Variants in ALDH1L1 observed in about 807,000 individuals in gnomAD.
ALDH1L1 encodes cytosolic 10-formyltetrahydrofolate dehydrogenase.
In ALDH1L1, 68 loss-of-function variants were observed where a neutral mutation model predicts 101.1. The observed-to-expected ratio is 0.67, with a 90% CI of 0.55 to 0.82. The LOEUF (loss-of-function observed/expected upper bound fraction) is 0.82, where lower values mean the gene tolerates loss of function less well. ALDH1L1 is among the 40% of genes least tolerant of loss of function. ALDH1L1 has a pLI of 0.00. For missense variants in ALDH1L1, 1,087 were observed against 1,172.7 expected (o/e 0.93, Z 1.07); for synonymous variants, 486 against 470.8 (o/e 1.03, Z -0.42).
chr3:126,144,841 C>A (rs1477726789), intron 9 of ALDH1L1, among the ~76,000 whole-genome samples: 9 of 152,162 alleles, frequency 5.9e-5, no homozygotes, highest in Admixed American at 3.3e-4. Context: ...CAAAAATATA[C>A]AAGTCATATG....
chr3:126,180,701 G>T, upstream of ALDH1L1: 2 of 1,387,782 alleles, frequency 1.4e-6, no homozygotes, highest in Non-Finnish European at 1.9e-6. Context: ...ACTATGGCGG[G>T]AGCGCAGCGC....
intron 1 of ALDH1L1, 189 bp downstream of exon 1, chr3:126,180,287 G>C (rs774529947): frequency 4.6e-5 from 11 of 240,108 alleles, no homozygotes; most frequent in Non-Finnish European, 6.8e-5. Flanking sequence ...AGCCTCAATT[G>C]CTCCAAAGAA....
At chr3:126,135,395 A>G (rs1487677787) in intron 12 of ALDH1L1, 140 bp downstream of exon 12, 3 of 1,184,352 alleles carry the variant, frequency 2.5e-6, no homozygotes, top group Non-Finnish European at 3.4e-6. Flanking sequence ...AGCCTGGCCC[A>G]TCTGATGGCC....
intron 1 of ALDH1L1, among the ~76,000 whole-genome samples, chr3:126,191,677 C>T (rs765767008): frequency 3.9e-5 from 6 of 152,184 alleles, no homozygotes; most frequent in South Asian, 2.1e-4. Context: ...AGCTGTAGGC[C>T]AGGGAAAACC....
At chr3:126,112,459 G>C (rs753472380) in intron 19 of ALDH1L1, among the ~76,000 whole-genome samples, 2 of 152,162 alleles carry the variant, frequency 1.3e-5, no homozygotes, top group Non-Finnish European at 2.9e-5. Context: ...CTCTTTCCAG[G>C]CTTCACCCAA....
intron 1 of ALDH1L1, among the ~76,000 whole-genome samples, chr3:126,174,573 C>G (rs2081338463): frequency 2.0e-5 from 3 of 151,970 alleles, no homozygotes; most frequent in Non-Finnish European, 4.4e-5. Context: ...ACAACAGAAT[C>G]ACTAGAAATC....
intron 4 of ALDH1L1, 74 bp downstream of exon 4, chr3:126,157,269 G>A (rs2080928882): frequency 6.0e-6 from 9 of 1,492,268 alleles, no homozygotes; most frequent in Non-Finnish European, 8.1e-6. Context: ...CTCCAGGAGC[G>A]GTGGGCTGGG....
chr3:126,193,870 G>T (rs947755105), intron 1 of ALDH1L1, among the ~76,000 whole-genome samples: 3 of 152,060 alleles, frequency 2.0e-5, no homozygotes, highest in Non-Finnish European at 2.9e-5. Flanking sequence ...TTCTACTTAG[G>T]TTAGCAATTT....
At chr3:126,158,958 C>G (rs1022076208) in intron 2 of ALDH1L1, among the ~76,000 whole-genome samples, 5 of 152,192 alleles carry the variant, frequency 3.3e-5, no homozygotes, top group African/African-American at 1.2e-4. Flanking sequence ...TTACTGTCTT[C>G]CGGCCCCCTC....
intron 1 of ALDH1L1, among the ~76,000 whole-genome samples, chr3:126,173,254 T>C (rs945201956): frequency 1.3e-5 from 2 of 152,192 alleles, no homozygotes; most frequent in African/African-American, 4.8e-5. Context: ...ATGTATTCAG[T>C]GATTGTAGCT....
chr3:126,185,823 T>C (rs1318225847), upstream of ALDH1L1, among the ~76,000 whole-genome samples: 2 of 152,214 alleles, frequency 1.3e-5, no homozygotes, highest in Non-Finnish European at 2.9e-5. Flanking sequence ...TAAAAACATC[T>C]TTAAAAAGTC....
intron 1 of ALDH1L1, among the ~76,000 whole-genome samples, chr3:126,164,299 C>T (rs537582916): frequency 6.6e-6 from 1 of 152,268 alleles, no homozygotes; most frequent in South Asian, 2.1e-4. Flanking sequence ...ACAGGGGGTG[C>T]AGGTGCAGGT....
chr3:126,134,804 C>T (rs139718847), intron 12 of ALDH1L1, among the ~76,000 whole-genome samples: 16 of 152,190 alleles, frequency 1.1e-4, no homozygotes, highest in African/African-American at 2.9e-4. Flanking sequence ...AGGACCCCAG[C>T]GAAAGAGCCA....
rs143485285 is a variant in ALDH1L1 at position 126,145,362 on chromosome 3, T to C, written c.1076+1473A>G. Reference sequence around the variant, plus strand: ...ACCCAGTAATCTCACTGCTGGGTATTTGTCCAAAAGAACTGATCTCAAATT... The same window carrying C: ...ACCCAGTAATCTCACTGCTGGGTATCTGTCCAAAAGAACTGATCTCAAATT... On this transcript the variant is annotated intron_variant, in intron 9 of 22. Coordinates refer to ENST00000393434, the MANE Select transcript of ALDH1L1 (RefSeq NM_012190.4). Among the ~76,000 whole-genome samples the C allele has an allele frequency of 7.2e-5, 11 of 152,338 alleles. No individual in the cohort carries two copies. The East Asian group carries it at 1.5e-3, about 21-fold the overall frequency.
In ALDH1L1 at chr3:126,107,267, C is replaced by T. The variant is rs190583870; in HGVS notation, c.2348-21G>A. The T allele has an allele frequency of 3.4e-5, 55 of 1,597,940 alleles. No individual in the cohort carries two copies. In the African/African-American group the frequency reaches 4.0e-4, roughly 12 times the overall value. Reference sequence around the variant, plus strand: ...GAACCCTGCAAGAGAGATAAAAGCCCGTTGCACATGGGAGACACGGTGCCC... The same window carrying T: ...GAACCCTGCAAGAGAGATAAAAGCCTGTTGCACATGGGAGACACGGTGCCC... On this transcript the variant is annotated intron_variant, in intron 20 of 22. Coordinates refer to ENST00000393434, the MANE Select transcript of ALDH1L1 (RefSeq NM_012190.4).
In ALDH1L1 at chr3:126,180,499, G is replaced by C. The variant is rs1002463750; in HGVS notation, c.-47C>G. 3 of 999,148 alleles carry C rather than the reference G, an allele frequency of 3.0e-6. No homozygotes were observed. The highest frequency in any genetic ancestry group is 3.6e-6 in the Non-Finnish European group (3 of 838,098). The allele number at this position is 999,148 out of a possible 1,614,324, so 61.9% of individuals were successfully genotyped here. On this transcript the variant is annotated 5_prime_UTR_variant, in exon 1 of 23. Transcript: ENST00000393434. ...ACCGCGCGCAGGAGTTGGTGCGGGCGTCCCGGGCAGGTTAGACTTCTGTGA... is the reference window on the plus strand; with the variant it reads ...ACCGCGCGCAGGAGTTGGTGCGGGCCTCCCGGGCAGGTTAGACTTCTGTGA...
chr3:126,133,576 G>C (rs1056328889), intron 12 of ALDH1L1, among the ~76,000 whole-genome samples: 5 of 152,198 alleles, frequency 3.3e-5, no homozygotes, highest in Non-Finnish European at 5.9e-5. Context: ...CATCACCCGA[G>C]TGCACTATTC....
intron 1 of ALDH1L1, among the ~76,000 whole-genome samples, chr3:126,170,875 G>A (rs559187540): frequency 6.6e-6 from 1 of 152,234 alleles, no homozygotes; most frequent in East Asian, 1.9e-4. Context: ...AAAGGGAGGT[G>A]GGGGGAAAGT....
At chr3:126,141,214 A>G (rs1296719139) in intron 9 of ALDH1L1, among the ~76,000 whole-genome samples, 1 of 152,128 alleles carries the variant, frequency 6.6e-6, no homozygotes. Context: ...GGATATAACA[A>G]TTATAAATTC....
Sources: gnomAD v4.1 joint callset for allele counts (sites outside exome capture counted in the v4.1 genomes callset) on GRCh38, gnomAD v4.1.1 for gene constraint, MANE v1.5 for transcripts, NCBI Gene and HGNC (gene_info 2026-07-23, HGNC 2026-07-21) for gene names.